CDH13: variants seen among roughly 807,000 people sequenced by gnomAD.
CDH13 encodes the protein cadherin 13, also known as cadherin-13.
Under a neutral mutation model 63.8 loss-of-function variants are expected in CDH13, and 24 were observed. The ratio of observed to expected loss-of-function variants is 0.38; its 90% CI spans 0.27 to 0.53. The LOEUF is 0.53. CDH13 is among the 20% of genes least tolerant of loss of function. The probability of loss-of-function intolerance (pLI) is 0.85; values close to 1 mark genes in which losing one functional copy is unlikely to be tolerated. For missense variants in CDH13, 1,049 were observed against 903.1 expected, an observed-to-expected ratio of 1.16 and a Z score of -2.07; for synonymous variants, 503 against 355.3, an observed-to-expected ratio of 1.42 and a Z score of -4.67.
chr16:82,645,673 T>G (rs1191923200), intron 1 of CDH13, among the ~76,000 whole-genome samples: 1 of 152,208 alleles, frequency 6.6e-6, no homozygotes, highest in African/African-American at 2.4e-5. Flanking sequence ...ATCCTTATCT[T>G]ATCCTGTTAT....
intron 1 of CDH13, among the ~76,000 whole-genome samples, chr16:82,805,696 T>G (rs1010248931): frequency 2.6e-5 from 4 of 152,170 alleles, no homozygotes; most frequent in African/African-American, 4.8e-5. Flanking sequence ...AGAACCCTTC[T>G]CATAGTCTGG....
At chr16:82,806,633 C>T (rs1191596662) in intron 1 of CDH13, among the ~76,000 whole-genome samples, 4 of 151,954 alleles carry the variant, frequency 2.6e-5, no homozygotes, top group African/African-American at 2.4e-5. Context: ...TGATGGGAAC[C>T]CCAGTTGAAT....
At chr16:83,522,943 A>G (rs1315925294) in intron 7 of CDH13, among the ~76,000 whole-genome samples, 1 of 152,188 alleles carries the variant, frequency 6.6e-6, no homozygotes, top group Non-Finnish European at 1.5e-5. Context: ...TTTCAGACTC[A>G]TGACCTTAGC....
chr16:83,533,036 C>T (rs1211295762), intron 7 of CDH13, among the ~76,000 whole-genome samples: 1 of 152,192 alleles, frequency 6.6e-6, no homozygotes, highest in East Asian at 1.9e-4. Context: ...GAGCATCAGG[C>T]ATCTCTAAAA....
At chr16:83,545,241 C>T (rs2075365296) in intron 7 of CDH13, among the ~76,000 whole-genome samples, 1 of 152,120 alleles carries the variant, frequency 6.6e-6, no homozygotes, top group Non-Finnish European at 1.5e-5. Context: ...ATCTGACATA[C>T]CCAGTGACTA....
chr16:83,583,021 A>G (rs985690648), intron 7 of CDH13, among the ~76,000 whole-genome samples: 2 of 152,154 alleles, frequency 1.3e-5, no homozygotes, highest in Non-Finnish European at 1.5e-5. Context: ...GTCCAAAATC[A>G]AAGTGTTGGT....
chr16:83,501,275 G>A (rs1362840621), intron 7 of CDH13, among the ~76,000 whole-genome samples: 1 of 152,178 alleles, frequency 6.6e-6, no homozygotes, highest in African/African-American at 2.4e-5. Flanking sequence ...TTCAGTGAAT[G>A]GCATTTCTGC....
At chr16:83,405,831 G>T (rs11866309) in intron 6 of CDH13, among the ~76,000 whole-genome samples, 111,840 of 152,090 alleles carry the variant, frequency 0.74, 41,296 homozygotes, top group East Asian at 0.88. Flanking sequence ...TTGGTATCAC[G>T]TTGCATTCCT....
chr16:82,964,333 GA>G (rs1907495199), intron 2 of CDH13, among the ~76,000 whole-genome samples: 1 of 152,148 alleles, frequency 6.6e-6, no homozygotes, highest in Admixed American at 6.5e-5. Flanking sequence ...GACTGAAAAG[GA>G]AAATATCAAG....
chr16:83,254,987 C>CA (rs1906068888), intron 5 of CDH13, among the ~76,000 whole-genome samples: 1 of 17,836 alleles, frequency 5.6e-5, no homozygotes. Flanking sequence ...TTCTTTCTTT[C>CA]TTTCTTTCTT....
intron 1 of CDH13, among the ~76,000 whole-genome samples, chr16:82,785,262 C>T (rs1381966008): frequency 4.6e-5 from 7 of 152,180 alleles, no homozygotes; most frequent in Non-Finnish European, 1.0e-4. Context: ...GGCTGCCCAC[C>T]AGTCCCAGGT....
At chr16:83,335,657 A>C (rs1281309526) in intron 5 of CDH13, among the ~76,000 whole-genome samples, 1 of 152,174 alleles carries the variant, frequency 6.6e-6, no homozygotes, top group Non-Finnish European at 1.5e-5. Flanking sequence ...CTTGTAGTTA[A>C]AGATTGACCC....
chr16:83,054,793 A>T (rs1314240574), intron 3 of CDH13, among the ~76,000 whole-genome samples: 2 of 152,300 alleles, frequency 1.3e-5, no homozygotes, highest in East Asian at 3.9e-4. Flanking sequence ...AGTAGTCTAA[A>T]TATAAAAAAG....
chr16:83,030,040 G>T (rs979650208), intron 2 of CDH13, among the ~76,000 whole-genome samples: 1 of 152,142 alleles, frequency 6.6e-6, no homozygotes, highest in African/African-American at 2.4e-5. Context: ...ACCACATGCA[G>T]AATCACCATT....
At chr16:82,640,351 C>G (rs1171783903) in intron 1 of CDH13, among the ~76,000 whole-genome samples, 1 of 152,096 alleles carries the variant, frequency 6.6e-6, no homozygotes, top group African/African-American at 2.4e-5. Flanking sequence ...TTTGTCAACT[C>G]TCTACTTTTT....
At chr16:82,797,783 G>C (rs1009135209) in intron 1 of CDH13, among the ~76,000 whole-genome samples, 1 of 150,072 alleles carries the variant, frequency 6.7e-6, no homozygotes, top group Non-Finnish European at 1.5e-5. Flanking sequence ...CCGTGTGTGT[G>C]TGTGTGTGTG....
At chr16:83,094,662 C>G (rs372512176) in intron 3 of CDH13, among the ~76,000 whole-genome samples, 8 of 152,176 alleles carry the variant, frequency 5.3e-5, no homozygotes, top group East Asian at 1.9e-4. Context: ...GCTTCAGTTC[C>G]AAATAAAGGG....
intron 1 of CDH13, among the ~76,000 whole-genome samples, chr16:82,715,618 A>C (rs1009345352): frequency 6.6e-6 from 1 of 152,124 alleles, no homozygotes; most frequent in Non-Finnish European, 1.5e-5. Flanking sequence ...TATATTTGCT[A>C]ATCCTTCCTC....
chr16:83,133,732 C>G (rs1354566664), intron 4 of CDH13, among the ~76,000 whole-genome samples: 2 of 152,296 alleles, frequency 1.3e-5, no homozygotes, highest in East Asian at 1.9e-4. Flanking sequence ...CTCCTGGCCT[C>G]AAGTGATCCA....
Sources: gnomAD v4.1 joint callset for allele counts (sites outside exome capture counted in the v4.1 genomes callset) on GRCh38, gnomAD v4.1.1 for gene constraint, MANE v1.5 for transcripts, NCBI Gene and HGNC (gene_info 2026-07-23, HGNC 2026-07-21) for gene names.